PDE1A: variants seen among roughly 807,000 people sequenced by gnomAD.
PDE1A encodes dual specificity calcium/calmodulin-dependent 3',5'-cyclic nucleotide phosphodiesterase 1A.
Under a neutral mutation model 61.7 loss-of-function variants are expected in PDE1A, and 35 were observed. That is an observed-to-expected ratio of 0.57 (90% CI 0.43 to 0.75). PDE1A has a LOEUF of 0.75. Ranked by LOEUF, PDE1A falls within the 30% of genes least tolerant of loss-of-function variation. The probability of loss-of-function intolerance (pLI) is 0.00; values close to 1 mark genes in which losing one functional copy is unlikely to be tolerated. For missense variants in PDE1A, 597 were observed against 630.6 expected (o/e 0.95, Z 0.57); for synonymous variants, 232 against 213.2 (o/e 1.09, Z -0.77).
exon 15 of PDE1A, chr2:182,141,688 C>T (rs1240182941): frequency 6.6e-6 from 1 of 152,184 alleles, no homozygotes; most frequent in Non-Finnish European, 1.5e-5. Flanking sequence ...TTAAAAGCTT[C>T]CAATTGTACC....
At chr2:182,294,226 A>AG (rs1694725374) in intron 1 of PDE1A, among the ~76,000 whole-genome samples, 1 of 152,198 alleles carries the variant, frequency 6.6e-6, no homozygotes, top group Non-Finnish European at 1.5e-5. Context: ...ACCTTGGATG[A>AG]GGGGGGAGCT....
At position 182,168,356 on chromosome 2, in the gene PDE1A, A is replaced by T. The variant is rs1487213679; in HGVS notation, c.1517-66T>A. 28 of 1,417,224 alleles carry T rather than the reference A, an allele frequency of 2.0e-5. No homozygotes were observed. In the South Asian group the frequency reaches 3.6e-4, roughly 18 times the overall value. 87.8% of individuals were successfully genotyped at this position (1,417,224 alleles called of 1,614,324 possible). On this transcript the variant is annotated intron_variant, in intron 13 of 13. Coordinates refer to ENST00000351439, the Ensembl canonical transcript of PDE1A. ...AAAATGCTGTAAAGAAGTTATGAAA[A>T]AAAGTAATTCTCATTTATAATCAGC... is the stretch of plus-strand genomic sequence containing the variant.
chr2:182,519,441 A>G (rs68153794), intron 2 of PDE1A, among the ~76,000 whole-genome samples: 10,017 of 152,040 alleles, frequency 0.066, 353 homozygotes, highest in Middle Eastern at 0.1. Flanking sequence ...AAAGATTGTA[A>G]TATAAGAAGA....
At chr2:182,176,386 G>A (rs1469644111) in intron 13 of PDE1A, among the ~76,000 whole-genome samples, 1 of 148,968 alleles carries the variant, frequency 6.7e-6, no homozygotes, top group African/African-American at 2.6e-5. Context: ...AGTTCCCTTT[G>A]AAGAGGTCCT....
At chr2:182,389,835 A>G (rs1014738780) in intron 1 of PDE1A, among the ~76,000 whole-genome samples, 1 of 152,186 alleles carries the variant, frequency 6.6e-6, no homozygotes, top group Non-Finnish European at 1.5e-5. Flanking sequence ...AAGAAGGTGG[A>G]AAGAGCAGAC....
chr2:182,607,210 C>A, the PDE1A span, among the ~76,000 whole-genome samples: 1 of 151,936 alleles, frequency 6.6e-6, no homozygotes, highest in African/African-American at 2.4e-5. Flanking sequence ...ATCTGGGAGG[C>A]CTGATGGTTG....
chr2:182,363,305 T>C (rs915637499), intron 1 of PDE1A, among the ~76,000 whole-genome samples: 3 of 151,320 alleles, frequency 2.0e-5, no homozygotes, highest in African/African-American at 7.3e-5. Flanking sequence ...ATAGAGAAAA[T>C]AAAACAAGAT....
At chr2:182,657,338 T>C in the PDE1A span, among the ~76,000 whole-genome samples, 1 of 152,252 alleles carries the variant, frequency 6.6e-6, no homozygotes, top group African/African-American at 2.4e-5. Context: ...TTTATTGTCC[T>C]ACCTCTACCA....
intron 5 of PDE1A, 108 bp from the exon 6 acceptor site, chr2:182,230,254 G>A: frequency 1.4e-6 from 1 of 729,506 alleles, no homozygotes; most frequent in Non-Finnish European, 2.2e-6. Flanking sequence ...GTGGACAGTA[G>A]TTTCTTTATG....
At chr2:182,495,136 G>A (rs981447062) in intron 2 of PDE1A, among the ~76,000 whole-genome samples, 8 of 152,156 alleles carry the variant, frequency 5.3e-5, no homozygotes, top group East Asian at 3.9e-4. Flanking sequence ...AGAGGGACAC[G>A]TGCCCCTGAC....
intron 1 of PDE1A, among the ~76,000 whole-genome samples, chr2:182,354,615 A>C (rs554046417): frequency 1.3e-5 from 2 of 152,324 alleles, no homozygotes; most frequent in East Asian, 3.9e-4. Context: ...CATCTATGGC[A>C]ACAAGTGCTT....
At chr2:182,147,403 A>G (rs1690551990) in intron 13 of PDE1A, among the ~76,000 whole-genome samples, 2 of 152,340 alleles carry the variant, frequency 1.3e-5, no homozygotes, top group South Asian at 2.1e-4. Flanking sequence ...CAGAAATAAA[A>G]TAGATGAAAC....
the PDE1A span, among the ~76,000 whole-genome samples, chr2:182,713,940 C>T: frequency 6.6e-6 from 1 of 152,164 alleles, no homozygotes; most frequent in Non-Finnish European, 1.5e-5. Context: ...TACCATCCAC[C>T]AAAATTGTGC....
intron 2 of PDE1A, among the ~76,000 whole-genome samples, chr2:182,432,645 T>G (rs1021883076): frequency 3.3e-5 from 5 of 152,112 alleles, no homozygotes; most frequent in Admixed American, 6.6e-5. Context: ...AAATACATAT[T>G]CTTTTTCTAA....
At chr2:182,628,913 T>C in the PDE1A span, among the ~76,000 whole-genome samples, 12 of 152,104 alleles carry the variant, frequency 7.9e-5, no homozygotes, top group Non-Finnish European at 1.6e-4. Flanking sequence ...GCAAAAGTGA[T>C]GGTATGGGAT....
chr2:182,527,179 T>C (rs886416429), upstream of PDE1A, among the ~76,000 whole-genome samples: 4 of 149,254 alleles, frequency 2.7e-5, no homozygotes, highest in African/African-American at 7.4e-5. Context: ...AAGAAAAATA[T>C]GAAGAGGCTG....
At chr2:182,278,165 C>T (rs1272813741) in intron 1 of PDE1A, among the ~76,000 whole-genome samples, 1 of 152,018 alleles carries the variant, frequency 6.6e-6, no homozygotes, top group Non-Finnish European at 1.5e-5. Context: ...GTCCCTACAA[C>T]AACTCACATC....
At chr2:182,368,525 C>CA (rs1699960300) in intron 1 of PDE1A, among the ~76,000 whole-genome samples, 1 of 145,460 alleles carries the variant, frequency 6.9e-6, no homozygotes, top group Non-Finnish European at 1.5e-5. Context: ...TTCTCATCAC[C>CA]TTTTTTTTTT....
At chr2:182,218,027 C>A (rs1688362228) in intron 7 of PDE1A, among the ~76,000 whole-genome samples, 1 of 148,616 alleles carries the variant, frequency 6.7e-6, no homozygotes, top group South Asian at 2.1e-4. Flanking sequence ...CCCAAATGTC[C>A]AACAATGATA....
Sources: allele counts gnomAD v4.1 joint callset (sites outside exome capture counted in the v4.1 genomes callset), GRCh38; gene constraint gnomAD v4.1.1; transcripts MANE v1.5; gene names NCBI Gene and HGNC (gene_info 2026-07-23, HGNC 2026-07-21).